The following MAGI3 variants were observed in gnomAD, a reference collection of about 807,000 sequenced individuals.
MAGI3 encodes membrane associated guanylate kinase, WW and PDZ domain containing 3, also known as membrane-associated guanylate kinase, WW and PDZ domain-containing protein 3.
In MAGI3, 43 loss-of-function variants were observed where a neutral mutation model predicts 121.8. The ratio of observed to expected loss-of-function variants is 0.35; its 90% confidence interval spans 0.28 to 0.46. The LOEUF (loss-of-function observed/expected upper bound fraction) is 0.46. Ranked by LOEUF, MAGI3 falls within the 20% of genes least tolerant of loss-of-function variation. The pLI, the probability that MAGI3 is intolerant of heterozygous loss-of-function variation, is 1.00. For synonymous variants in MAGI3, 553 were observed against 639.3 expected (o/e 0.86, Z 2.04); for missense variants, 1,547 against 1,797.3 (o/e 0.86, Z 2.52).
chr1:113,641,833 A>T, intron 9 of MAGI3, 78 bp from the exon 10 acceptor site: 2 of 1,332,448 alleles, frequency 1.5e-6, no homozygotes, highest in Non-Finnish European at 2.0e-6. Flanking sequence ...GCTAAATTGT[A>T]GTTATTTTTG....
In MAGI3 at chr1:113,391,307, C is replaced by A. The variant is rs1319735379; in HGVS notation, c.274C>A (p.Arg92Ser). The A allele has an allele frequency of 3.8e-6, 6 of 1,596,886 alleles. No individual in the cohort carries two copies. The highest frequency in any genetic ancestry group is 1.6e-4 in the Middle Eastern group (1 of 6,068). Residue 92 changes from arginine to serine, a missense_variant, in exon 1 of 21, where the codon CGC (arginine) becomes AGC (serine). Transcript: ENST00000307546. This position sits in a 1 kb window ranked among gnomAD's most constrained non-coding sequence, Gnocchi z 4.4. Reference sequence around the variant, plus strand: ...CAACCGGGACACCCTGGCTGTCATCCGCCACTTCCGCGAGCCCATCCGTCT... The same window carrying A: ...CAACCGGGACACCCTGGCTGTCATCAGCCACTTCCGCGAGCCCATCCGTCT... ...LTNRDTLAVI[R>S]HFREPIRLKT...
At chr1:113,682,539 A>G (rs1648284588) in intron 20 of MAGI3, 1 of 1,237,224 alleles carries the variant, frequency 8.1e-7, no homozygotes, top group Admixed American at 4.0e-5. Flanking sequence ...GTATCAATTC[A>G]TAATAATTAG....
chr1:113,637,073 A>G (rs574484759), intron 9 of MAGI3, among the ~76,000 whole-genome samples: 1 of 151,278 alleles, frequency 6.6e-6, no homozygotes, highest in Admixed American at 6.6e-5. Flanking sequence ...TTTGTTTTCC[A>G]TTTACTTGGT....
chr1:113,417,465 G>A (rs542428194), intron 1 of MAGI3, among the ~76,000 whole-genome samples: 6 of 152,220 alleles, frequency 3.9e-5, no homozygotes, highest in Non-Finnish European at 8.8e-5. Context: ...CCAGGCTGGA[G>A]TGCAGTGGTG....
chr1:113,446,864 G>A (rs1654202326), intron 1 of MAGI3, among the ~76,000 whole-genome samples: 1 of 152,210 alleles, frequency 6.6e-6, no homozygotes, highest in Non-Finnish European at 1.5e-5. Context: ...CAACATGGAT[G>A]AATCTTCAGA....
intron 2 of MAGI3, among the ~76,000 whole-genome samples, chr1:113,579,063 A>G (rs969464330): frequency 2.0e-5 from 3 of 152,210 alleles, no homozygotes; most frequent in African/African-American, 7.2e-5. Flanking sequence ...TAATAATAAG[A>G]GCATATTGCC....
chr1:113,585,670 A>C, intron 4 of MAGI3, 74 bp downstream of exon 4: 3 of 1,349,062 alleles, frequency 2.2e-6, no homozygotes, highest in Non-Finnish European at 2.0e-6. Flanking sequence ...TAAAAGCACT[A>C]AAATTTTTTA....
intron 6 of MAGI3, among the ~76,000 whole-genome samples, chr1:113,600,037 ACT>A (rs1649267122): frequency 6.6e-6 from 1 of 152,130 alleles, no homozygotes. Context: ...CATGCTAAAA[ACT>A]CTCAATAAAT....
At chr1:113,467,139 A>G (rs569731289) in intron 1 of MAGI3, among the ~76,000 whole-genome samples, 2 of 151,708 alleles carry the variant, frequency 1.3e-5, no homozygotes, top group African/African-American at 4.8e-5. Context: ...GTTATGTTGT[A>G]TTTCCATTTT....
chr1:113,565,891 T>C (rs1023171721), intron 2 of MAGI3, among the ~76,000 whole-genome samples: 2 of 152,240 alleles, frequency 1.3e-5, no homozygotes, highest in African/African-American at 4.8e-5. Flanking sequence ...ATATCAACCT[T>C]AACCTTTGAT....
chr1:113,514,536 A>T (rs1293002510), intron 1 of MAGI3, among the ~76,000 whole-genome samples: 1 of 151,822 alleles, frequency 6.6e-6, no homozygotes, highest in Non-Finnish European at 1.5e-5. Context: ...CAAAAAACCA[A>T]ACACCGCATA....
intron 3 of MAGI3, 104 bp from the exon 4 acceptor site, chr1:113,585,283 C>A: frequency 9.1e-7 from 1 of 1,101,828 alleles, no homozygotes; most frequent in Non-Finnish European, 1.3e-6. Context: ...GTAGATATTT[C>A]AAAACTTCTT....
intron 15 of MAGI3, among the ~76,000 whole-genome samples, chr1:113,655,532 T>C (rs1653419810): frequency 2.0e-5 from 3 of 151,804 alleles, no homozygotes; most frequent in Admixed American, 2.0e-4. Flanking sequence ...TATTTGTATA[T>C]ATTGGTAAAT....
chr1:113,519,000 C>G (rs1276229484), intron 1 of MAGI3, among the ~76,000 whole-genome samples: 1 of 152,090 alleles, frequency 6.6e-6, no homozygotes, highest in Non-Finnish European at 1.5e-5. Context: ...TCCCCCGTTA[C>G]TACGAACTAC....
At chr1:113,503,871 C>T (rs545834232) in intron 1 of MAGI3, among the ~76,000 whole-genome samples, 16 of 152,014 alleles carry the variant, frequency 1.1e-4, no homozygotes, top group African/African-American at 3.4e-4. Flanking sequence ...AATATTTCAT[C>T]ACTGGAAATG....
intron 1 of MAGI3, among the ~76,000 whole-genome samples, chr1:113,494,014 T>C (rs1169105433): frequency 6.6e-6 from 1 of 152,226 alleles, no homozygotes; most frequent in Non-Finnish European, 1.5e-5. Context: ...ATCAATTTCA[T>C]GACTGGGTAT....
chr1:113,510,032 C>T (rs1304758908), intron 1 of MAGI3, among the ~76,000 whole-genome samples: 3 of 152,198 alleles, frequency 2.0e-5, no homozygotes, highest in African/African-American at 7.2e-5. Flanking sequence ...TTGTTATACA[C>T]ATGCAGTTTC....
intron 6 of MAGI3, among the ~76,000 whole-genome samples, chr1:113,606,030 A>G (rs1325924495): frequency 1.3e-5 from 2 of 151,976 alleles, no homozygotes; most frequent in African/African-American, 2.4e-5. Flanking sequence ...CAGTGGCGCA[A>G]TCTCTGCTCA....
intron 1 of MAGI3, among the ~76,000 whole-genome samples, chr1:113,443,494 T>A (rs1295122232): frequency 6.6e-6 from 1 of 152,204 alleles, no homozygotes; most frequent in Non-Finnish European, 1.5e-5. Flanking sequence ...TTACTCTTGA[T>A]CAGAAGTTTA....
Sources: gnomAD v4.1 joint callset for allele counts (sites outside exome capture counted in the v4.1 genomes callset) on GRCh38, gnomAD v4.1.1 for gene constraint, Gnocchi (gnomAD v3.1) non-coding constraint, MANE v1.5 for transcripts, NCBI Gene and HGNC (gene_info 2026-07-23, HGNC 2026-07-21) for gene names.